The following THRB variants were observed in gnomAD, a reference collection of about 807,000 sequenced individuals.
THRB encodes the protein nuclear receptor subfamily 1 group A member 2.
In THRB, 12 loss-of-function variants were observed where a neutral mutation model predicts 47.8. The observed-to-expected ratio is 0.25, with a 90% CI of 0.16 to 0.41. The LOEUF is 0.41. Ranked by LOEUF, THRB falls within the 10% of genes least tolerant of loss-of-function variation. The pLI is 1.00. For missense variants in THRB, 348 were observed against 589.2 expected (o/e 0.59, Z 4.24); for synonymous variants, 218 against 212.2 (o/e 1.03, Z -0.24).
chr3:24,236,013 C>G (rs1428976393), intron 3 of THRB, among the ~76,000 whole-genome samples: 2 of 152,186 alleles, frequency 1.3e-5, no homozygotes, highest in Admixed American at 1.3e-4. Flanking sequence ...TCTGTGGCAT[C>G]TGGAAGCACA....
chr3:24,466,014 A>T (rs1214450894), intron 1 of THRB, among the ~76,000 whole-genome samples: 2 of 152,154 alleles, frequency 1.3e-5, no homozygotes, highest in East Asian at 3.9e-4. Flanking sequence ...CTCCATGTCC[A>T]TAATAGCATG....
At chr3:24,147,734 T>G (rs1007357126) in intron 6 of THRB, among the ~76,000 whole-genome samples, 3 of 152,220 alleles carry the variant, frequency 2.0e-5, no homozygotes, top group African/African-American at 7.2e-5. Flanking sequence ...TGAGGGCACA[T>G]TGCTAAGTGC....
At chr3:24,266,886 G>T (rs1036380429) in intron 3 of THRB, among the ~76,000 whole-genome samples, 1 of 151,818 alleles carries the variant, frequency 6.6e-6, no homozygotes, top group South Asian at 2.1e-4. Context: ...AAGAGAGGAA[G>T]ACAGAAAAGG....
intron 4 of THRB, among the ~76,000 whole-genome samples, chr3:24,224,416 CA>C (rs1256990093): frequency 4.7e-4 from 71 of 152,144 alleles, no homozygotes; most frequent in African/African-American, 1.4e-3. Flanking sequence ...ACAGTGTTAA[CA>C]TTAGTTATTT....
chr3:24,432,215 AAAAG>A (rs2070503077), intron 1 of THRB, among the ~76,000 whole-genome samples: 1 of 152,122 alleles, frequency 6.6e-6, no homozygotes, highest in Non-Finnish European at 1.5e-5. Context: ...AAAGAAAAGA[AAAAG>A]AGAGAGACCA....
rs73823333 is a variant in THRB at position 24,484,540 on chromosome 3, T to C, written c.-261+10112A>G. Among the ~76,000 whole-genome samples the C allele has an allele frequency of 4.8e-3, 734 of 152,308 alleles. 8 individuals carry two copies. The highest frequency in any genetic ancestry group is 0.017 in the African/African-American group (703 of 41,574). On this transcript the variant is annotated intron_variant, in intron 1 of 10. Coordinates refer to ENST00000646209, the MANE Select transcript of THRB (RefSeq NM_001354712.2). ...TTAACCTTACTGGTTGCTTTTCACT[T>C]GTCTATAATGTGGCTACTAGAAGAA...
At chr3:24,299,725 A>G (rs886997403) in intron 2 of THRB, among the ~76,000 whole-genome samples, 2 of 149,678 alleles carry the variant, frequency 1.3e-5, no homozygotes, top group Non-Finnish European at 3.0e-5. Flanking sequence ...TGAATTCTTA[A>G]CAGAAATTCC....
At chr3:24,148,739 C>A (rs1178716691) in intron 6 of THRB, among the ~76,000 whole-genome samples, 1 of 152,166 alleles carries the variant, frequency 6.6e-6, no homozygotes, top group Non-Finnish European at 1.5e-5. Flanking sequence ...CTCCTTCAGA[C>A]ACAAAAGCTC....
chr3:24,128,938 C>T lies in THRB; in HGVS notation c.886-1181G>A, dbSNP rs191369752. On this transcript the variant is annotated intron_variant, in intron 9 of 10. Transcript: ENST00000646209. ...ATAAACAACAAATATGTGAGTTACA[C>T]CTAATATCTGTCTCTTCATTAGAGC... Among the ~76,000 whole-genome samples, 178 of 137,710 alleles carry T rather than the reference C, an allele frequency of 1.3e-3. 1 individual carries two copies. Among genetic ancestry groups the T allele is most frequent in the African/African-American group, 4.0e-3 (158 of 39,034 alleles). The allele number at this position is 137,710 out of a possible 152,430, so 90.3% of individuals were successfully genotyped here.
intron 5 of THRB, among the ~76,000 whole-genome samples, chr3:24,162,726 G>A (rs940560214): frequency 6.7e-6 from 1 of 150,332 alleles, no homozygotes; most frequent in African/African-American, 2.5e-5. Context: ...CAATCCAAGG[G>A]AAACTAAAAG....
chr3:24,347,741 A>G (rs1177070613), intron 1 of THRB, among the ~76,000 whole-genome samples: 1 of 151,950 alleles, frequency 6.6e-6, no homozygotes. Flanking sequence ...TGAAATGGAC[A>G]CATTGCTTAA....
chr3:24,373,052 C>T lies in THRB; in HGVS notation c.-260-35681G>A, dbSNP rs74647031. ...TAAGTGGGCAAGACTCTGGAGTCCC[C>T]CAGCAAATGTGAATTAAAACCCTTT... On this transcript the variant is annotated intron_variant, in intron 1 of 10. Transcript: ENST00000646209. Among the ~76,000 whole-genome samples, 699 of 152,110 alleles carry T rather than the reference C, an allele frequency of 4.6e-3. 3 individuals carry two copies. Among genetic ancestry groups the T allele is most frequent in the Middle Eastern group, 0.02 (6 of 294 alleles).
chr3:24,253,709 T>G (rs2050903271), intron 3 of THRB, among the ~76,000 whole-genome samples: 1 of 152,098 alleles, frequency 6.6e-6, no homozygotes, highest in Non-Finnish European at 1.5e-5. Flanking sequence ...AATCTCCTGG[T>G]TTTTCAATCC....
At chr3:24,279,353 C>T (rs775378833) in intron 3 of THRB, among the ~76,000 whole-genome samples, 12 of 151,968 alleles carry the variant, frequency 7.9e-5, no homozygotes, top group East Asian at 3.9e-4. Flanking sequence ...CAGTCATTCT[C>T]GGGCACTCTC....
At chr3:24,202,156 A>G (rs2044668253) in intron 4 of THRB, among the ~76,000 whole-genome samples, 1 of 152,228 alleles carries the variant, frequency 6.6e-6, no homozygotes, top group African/African-American at 2.4e-5. Flanking sequence ...AACAAAAACA[A>G]AAACTAAATT....
At chr3:24,226,636 T>C (rs1183724163) in intron 4 of THRB, among the ~76,000 whole-genome samples, 3 of 152,188 alleles carry the variant, frequency 2.0e-5, no homozygotes, top group Non-Finnish European at 4.4e-5. Context: ...TAGAGCTGTC[T>C]AGGAGTGGGC....
chr3:24,342,691 TAC>T (rs2062754228), intron 1 of THRB, among the ~76,000 whole-genome samples: 1 of 152,070 alleles, frequency 6.6e-6, no homozygotes, highest in Admixed American at 6.6e-5. Context: ...AGCAGGTGAA[TAC>T]ACAGTCATGC....
chr3:24,249,365 TC>T, intron 3 of THRB, among the ~76,000 whole-genome samples: 1 of 152,268 alleles, frequency 6.6e-6, no homozygotes, highest in Admixed American at 6.5e-5. Flanking sequence ...TCTGATCTTT[TC>T]CCCCTTATAC....
chr3:24,315,001 C>G (rs2058020201), intron 2 of THRB, among the ~76,000 whole-genome samples: 1 of 152,146 alleles, frequency 6.6e-6, no homozygotes, highest in Admixed American at 6.5e-5. Flanking sequence ...TCTCCCTGCC[C>G]CCGACGGAAA....
Sources: gnomAD v4.1 joint callset for allele counts (sites outside exome capture counted in the v4.1 genomes callset) on GRCh38, gnomAD v4.1.1 for gene constraint, MANE v1.5 for transcripts, NCBI Gene and HGNC (gene_info 2026-07-23, HGNC 2026-07-21) for gene names.